SFMBT2: variants seen among roughly 807,000 people sequenced by gnomAD.
The protein encoded by SFMBT2 is scm-like with four MBT domains protein 2.
SFMBT2 carries 38 observed loss-of-function variants against 110.1 expected under a neutral mutation model. The ratio of observed to expected loss-of-function variants is 0.35; its 90% CI spans 0.27 to 0.45. The LOEUF is 0.45. SFMBT2 is among the 20% of genes least tolerant of loss of function. The pLI is 1.00. For missense variants in SFMBT2, 1,011 were observed against 1,094.9 expected (o/e 0.92, Z 1.08); for synonymous variants, 425 against 425.4 (o/e 1.00, Z 0.01).
chr10:7,396,033 G>A (rs868092147), intron 1 of SFMBT2, among the ~76,000 whole-genome samples: 4 of 152,212 alleles, frequency 2.6e-5, no homozygotes, highest in Middle Eastern at 3.4e-3. Context: ...TTAGGAGTTC[G>A]AGACCAGCCT....
chr10:7,164,462 C>T (rs10905113), intron 20 of SFMBT2: 505,418 of 980,528 alleles, frequency 0.52, 132,435 homozygotes, highest in Non-Finnish European at 0.54. Flanking sequence ...AACTCACATA[C>T]CTACCCTGGT....
intron 1 of SFMBT2, among the ~76,000 whole-genome samples, chr10:7,401,123 A>C (rs1273511938): frequency 6.6e-6 from 1 of 151,690 alleles, no homozygotes; most frequent in Non-Finnish European, 1.5e-5. Context: ...ACAGAGTGAG[A>C]CTCCGTCATA....
intron 13 of SFMBT2, among the ~76,000 whole-genome samples, chr10:7,201,614 C>T (rs763083548): frequency 6.6e-6 from 1 of 152,158 alleles, no homozygotes; most frequent in African/African-American, 2.4e-5. Flanking sequence ...ACTCGACTAC[C>T]GCAAGTGAAA....
chr10:7,228,062 T>G, intron 9 of SFMBT2, 125 bp from the exon 10 acceptor site: 1 of 631,328 alleles, frequency 1.6e-6, no homozygotes, highest in Non-Finnish European at 2.7e-6. Context: ...CTAACAGCAC[T>G]TCAGATTTCA....
chr10:7,274,015 A>G (rs1409300416), intron 7 of SFMBT2, among the ~76,000 whole-genome samples: 1 of 152,216 alleles, frequency 6.6e-6, no homozygotes. Context: ...AATACCAAAG[A>G]CTTGGAACCA....
chr10:7,188,750 T>A lies in SFMBT2; in HGVS notation c.1699-17A>T. ...GCTAAGAACCTTTTGGGGAAAAAAA[T>A]AAGCAGACTGAGCTGCAATTGCATT... On this transcript the variant is annotated splice_polypyrimidine_tract_variant and intron_variant, in intron 15 of 20. Transcript: ENST00000397167. 5.0e-6 allele frequency: 8 copies of A among 1,594,990 alleles called. No individual in the cohort carries two copies. The highest frequency in any genetic ancestry group is 6.9e-6 in the Non-Finnish European group (8 of 1,165,296).
intron 6 of SFMBT2, 84 bp from the exon 7 acceptor site, chr10:7,277,073 T>C (rs1841804673): frequency 1.3e-6 from 1 of 769,600 alleles, no homozygotes; most frequent in Non-Finnish European, 2.4e-6. Context: ...ATTCCCAGGC[T>C]TTCCTGATAC....
At chr10:7,327,828 C>A (rs867513573) in intron 4 of SFMBT2, among the ~76,000 whole-genome samples, 10 of 152,192 alleles carry the variant, frequency 6.6e-5, no homozygotes, top group African/African-American at 2.2e-4. Context: ...GAGCCAGTTT[C>A]ATTACCTGAA....
intron 4 of SFMBT2, among the ~76,000 whole-genome samples, chr10:7,286,195 G>A (rs545729705): frequency 3.9e-5 from 6 of 152,186 alleles, no homozygotes; most frequent in Non-Finnish European, 7.3e-5. Context: ...GAAAGAATCC[G>A]AAGTCTTACA....
chr10:7,312,288 A>G (rs1038539624), intron 4 of SFMBT2, among the ~76,000 whole-genome samples: 17 of 152,164 alleles, frequency 1.1e-4, no homozygotes, highest in Non-Finnish European at 7.3e-5. Context: ...TAGTAACGGC[A>G]TCAACAGGGC....
At chr10:7,259,955 C>A (rs1841142527) in intron 7 of SFMBT2, among the ~76,000 whole-genome samples, 1 of 152,228 alleles carries the variant, frequency 6.6e-6, no homozygotes, top group African/African-American at 2.4e-5. Context: ...CCTCCCACTG[C>A]CTCCACTTTG....
At chr10:7,254,587 T>G (rs187432478) in intron 7 of SFMBT2, among the ~76,000 whole-genome samples, 1 of 152,128 alleles carries the variant, frequency 6.6e-6, no homozygotes, top group Non-Finnish European at 1.5e-5. Context: ...TTTGGGAGGC[T>G]GAGACAGGCG....
At chr10:7,350,058 G>A (rs1020976875) in intron 4 of SFMBT2, among the ~76,000 whole-genome samples, 5 of 152,112 alleles carry the variant, frequency 3.3e-5, no homozygotes, top group African/African-American at 1.2e-4. Context: ...AGGGCCCCGG[G>A]AGGCACTGCC....
rs536327268 is a variant in SFMBT2, at chr10:7,250,752, T to A, written c.871-2103A>T. Among the ~76,000 whole-genome samples the A allele has an allele frequency of 6.6e-5, 10 of 152,358 alleles. No individual in the cohort carries two copies. The South Asian group carries it at 2.1e-3, about 32-fold the overall frequency. ...AGCCTCACCAGCATCTGTTATTTGT[T>A]TGACTTTTTAATAACAGCCATTCTT... On this transcript the variant is annotated intron_variant, in intron 7 of 20. Coordinates refer to ENST00000397167, the MANE Select transcript of SFMBT2 (RefSeq NM_001387889.1).
Position 7,176,104 on chromosome 10 carries a change from T to G in SFMBT2, c.1870A>C (p.Asn624His). ...KIVRTSDQVANFCRRVCAKLE... is the reference protein window; with the variant it reads ...KIVRTSDQVAHFCRRVCAKLE... The stretch of plus-strand genomic sequence containing the variant: ...TTGGCACAGACTCGGCGGCAGAAAT[T>G]TGCGACTTGGTCAGATGTCCGTACG... The change falls in exon 17 of 21, where the codon AAT becomes CAT. Residue 624 changes from asparagine to histidine, a missense_variant. By Grantham distance (68) the Asn-to-His change is moderately conservative. Around this residue, in one of 2 missense-constraint regions of SFMBT2, gnomAD observed 979 missense variants for 1,016.1 expected, o/e 0.96. Transcript: ENST00000397167. The G allele has an allele frequency of 6.2e-6, 10 of 1,614,222 alleles. No individual in the cohort carries two copies. The highest frequency in any genetic ancestry group is 8.5e-6 in the Non-Finnish European group (10 of 1,180,050).
chr10:7,202,441 C>T (rs774183297), intron 13 of SFMBT2, 39 bp downstream of exon 13: 35 of 1,611,422 alleles, frequency 2.2e-5, no homozygotes, highest in East Asian at 1.1e-4. Flanking sequence ...TACAGTTTAT[C>T]GGTATACAGT....
chr10:7,335,399 A>G (rs1287954996), intron 4 of SFMBT2, among the ~76,000 whole-genome samples: 3 of 152,296 alleles, frequency 2.0e-5, no homozygotes, highest in African/African-American at 4.8e-5. Context: ...ATGCAGACGC[A>G]GCTCACCGGT....
rs140725180 is a variant in SFMBT2 at position 7,331,418 on chromosome 10, C to T, written c.436+36231G>A. Among the ~76,000 whole-genome samples, 1,052 of 152,300 alleles carry T rather than the reference C, an allele frequency of 6.9e-3. 5 individuals carry two copies. The highest frequency in any genetic ancestry group is 0.011 in the Non-Finnish European group (734 of 68,026). Reference sequence around the variant, plus strand: ...CTTTAAACATATCTATCCAATTATGCTCTTGAATCTAATGGTCTTTACCTT... The same window carrying T: ...CTTTAAACATATCTATCCAATTATGTTCTTGAATCTAATGGTCTTTACCTT... On this transcript the variant is annotated intron_variant, in intron 4 of 20. Transcript: ENST00000397167.
chr10:7,195,413 T>A (rs1419197388), intron 15 of SFMBT2, among the ~76,000 whole-genome samples: 1 of 152,228 alleles, frequency 6.6e-6, no homozygotes, highest in Non-Finnish European at 1.5e-5. Context: ...ATATATGGAA[T>A]CTACTTGCCA....
Sources: gnomAD v4.1 joint callset for allele counts (sites outside exome capture counted in the v4.1 genomes callset) on GRCh38, gnomAD v4.1.1 for gene constraint, gnomAD v4.1.1 regional missense constraint, MANE v1.5 for transcripts, NCBI Gene and HGNC (gene_info 2026-07-23, HGNC 2026-07-21) for gene names.